CNTN4: variants seen among roughly 807,000 people sequenced by gnomAD.
The protein encoded by CNTN4 is contactin-4.
Under a neutral mutation model 122.5 loss-of-function variants are expected in CNTN4, and 77 were observed. The observed-to-expected ratio is 0.63, with a 90% CI of 0.52 to 0.76. The LOEUF (loss-of-function observed/expected upper bound fraction) is 0.76, where lower values mean the gene tolerates loss of function less well. Among genes scored for constraint, CNTN4 ranks in the 30% least tolerant of loss-of-function variants. CNTN4 has a pLI of 0.00. For synonymous variants in CNTN4, 512 were observed against 447.0 expected, an observed-to-expected ratio of 1.15 and a Z score of -1.83; for missense variants, 1,256 against 1,259.1, an observed-to-expected ratio of 1.00 and a Z score of 0.04.
At chr3:2,556,370 G>A (rs58140357) in intron 3 of CNTN4, among the ~76,000 whole-genome samples, 15,482 of 152,166 alleles carry the variant, frequency 0.1, 860 homozygotes, top group African/African-American at 0.12. Flanking sequence ...GTGAACCTCT[G>A]TGGTTTACTT....
intron 3 of CNTN4, among the ~76,000 whole-genome samples, chr3:2,466,696 A>C (rs1402892372): frequency 6.6e-6 from 1 of 152,160 alleles, no homozygotes; most frequent in African/African-American, 2.4e-5. Context: ...TATTGTTTTC[A>C]TGATGAAGCT....
intron 3 of CNTN4, among the ~76,000 whole-genome samples, chr3:2,516,635 T>A (rs980776308): frequency 2.0e-5 from 3 of 152,230 alleles, no homozygotes; most frequent in South Asian, 4.1e-4. Context: ...TATTCCAAAG[T>A]AAGAAGGGAA....
chr3:2,408,601 G>T (rs1049393223), intron 3 of CNTN4, among the ~76,000 whole-genome samples: 1 of 152,116 alleles, frequency 6.6e-6, no homozygotes, highest in African/African-American at 2.4e-5. Context: ...AAATTGTGAA[G>T]ACAGAAGTTC....
intron 4 of CNTN4, among the ~76,000 whole-genome samples, chr3:2,671,369 C>T (rs1576408906): frequency 6.6e-6 from 1 of 152,190 alleles, no homozygotes; most frequent in East Asian, 1.9e-4. Context: ...CCCTTTCTTC[C>T]AGTTGATCGA....
At chr3:2,491,905 T>A (rs2076328665) in intron 3 of CNTN4, among the ~76,000 whole-genome samples, 1 of 152,244 alleles carries the variant, frequency 6.6e-6, no homozygotes, top group South Asian at 2.1e-4. Context: ...TGAGTCATTT[T>A]GTAAGTTTTT....
chr3:2,249,319 C>A (rs1318079121), intron 2 of CNTN4, among the ~76,000 whole-genome samples: 1 of 151,742 alleles, frequency 6.6e-6, no homozygotes, highest in Non-Finnish European at 1.5e-5. Context: ...AGTATCACAT[C>A]CAAAGGACAC....
intron 13 of CNTN4, among the ~76,000 whole-genome samples, chr3:2,952,570 T>C (rs1273987717): frequency 6.6e-6 from 1 of 152,224 alleles, no homozygotes; most frequent in Non-Finnish European, 1.5e-5. Context: ...ATTGTTTTAT[T>C]ATTTGACTCT....
intron 3 of CNTN4, among the ~76,000 whole-genome samples, chr3:2,365,862 A>C (rs1320198147): frequency 6.6e-6 from 1 of 152,250 alleles, no homozygotes; most frequent in African/African-American, 2.4e-5. Context: ...AAGTCTGTCT[A>C]TGTTGGGTTT....
intron 6 of CNTN4, among the ~76,000 whole-genome samples, chr3:2,804,155 G>A (rs546054747): frequency 3.3e-5 from 5 of 151,776 alleles, no homozygotes; most frequent in African/African-American, 7.3e-5. Flanking sequence ...CAGCAGTGGG[G>A]GTATAGTCAG....
Position 2,560,954 on chromosome 3 carries a change from C to T in CNTN4, c.-88-10462C>T, listed in dbSNP as rs1445574058. Among the ~76,000 whole-genome samples, 3 of 152,160 alleles carry T rather than the reference C, an allele frequency of 2.0e-5. No homozygotes were observed. In the South Asian group the frequency reaches 6.2e-4, roughly 32 times the overall value. On this transcript the variant is annotated intron_variant, in intron 3 of 24. Transcript: ENST00000418658. Reference sequence around the variant, plus strand: ...TATGTTTGAAATCTTATTTCTGCTTCTGATTAAGCAGACATAGACTCCCTT... The same window carrying T: ...TATGTTTGAAATCTTATTTCTGCTTTTGATTAAGCAGACATAGACTCCCTT...
chr3:2,509,564 G>T lies in CNTN4; in HGVS notation c.-88-61852G>T, dbSNP rs557575929. Among the ~76,000 whole-genome samples, 3 of 152,234 alleles carry T rather than the reference G, an allele frequency of 2.0e-5. No individual in the cohort carries two copies. In the South Asian group the frequency reaches 6.2e-4, roughly 32 times the overall value. ...TTCGAGGGCATGGATCTGTTTTGGG[G>T]ATACTTGAGTTGATAATGGGCACAG... On this transcript the variant is annotated intron_variant, in intron 3 of 24. Transcript: ENST00000418658.
chr3:2,291,959 C>T (rs2042151746), intron 2 of CNTN4, among the ~76,000 whole-genome samples: 1 of 152,162 alleles, frequency 6.6e-6, no homozygotes, highest in Admixed American at 6.5e-5. Context: ...TGGTCTCGAA[C>T]TCCTGACCTC....
intron 4 of CNTN4, among the ~76,000 whole-genome samples, chr3:2,692,379 A>T (rs1409961339): frequency 6.6e-6 from 1 of 152,118 alleles, no homozygotes; most frequent in Admixed American, 6.6e-5. Flanking sequence ...TTTTCCTGCC[A>T]GCCTACTTTC....
intron 4 of CNTN4, among the ~76,000 whole-genome samples, chr3:2,661,278 A>T (rs1277068833): frequency 6.6e-6 from 1 of 152,200 alleles, no homozygotes; most frequent in Non-Finnish European, 1.5e-5. Flanking sequence ...AGCCCCAAGG[A>T]GGAGTGCCTC....
intron 23 of CNTN4, among the ~76,000 whole-genome samples, chr3:3,053,344 A>G (rs1361061584): frequency 1.3e-5 from 2 of 152,156 alleles, no homozygotes; most frequent in Admixed American, 1.3e-4. Context: ...CTCCTTGTGC[A>G]ATCTTGAAAA....
Position 2,795,613 on chromosome 3 carries a change from C to T in CNTN4, c.359-23873C>T, listed in dbSNP as rs574180252. The stretch of plus-strand genomic sequence containing the variant: ...TCGGCTCAGTGCAAGCTCTGCCTCC[C>T]GGGTTCACGCCATTCTCCTGCCTCA... On this transcript the variant is annotated intron_variant, in intron 6 of 24. Transcript: ENST00000418658. Among the ~76,000 whole-genome samples, 8 of 151,692 alleles carry T rather than the reference C, an allele frequency of 5.3e-5. No homozygotes were observed. In the East Asian group the frequency reaches 7.8e-4, roughly 15 times the overall value.
At chr3:2,821,711 G>A (rs1325271832) in intron 7 of CNTN4, among the ~76,000 whole-genome samples, 3 of 152,174 alleles carry the variant, frequency 2.0e-5, no homozygotes. Context: ...ATTCAGTAGT[G>A]TGGAGGTTTA....
At chr3:2,702,941 A>G (rs1410099514) in intron 4 of CNTN4, among the ~76,000 whole-genome samples, 1 of 152,188 alleles carries the variant, frequency 6.6e-6, no homozygotes, top group Non-Finnish European at 1.5e-5. Flanking sequence ...GGTAAGACCC[A>G]GTTATCTTGG....
chr3:2,699,035 AG>A (rs1299739915), intron 4 of CNTN4, among the ~76,000 whole-genome samples: 2 of 146,856 alleles, frequency 1.4e-5, no homozygotes, highest in South Asian at 2.2e-4. Context: ...AAAAAAAAAA[AG>A]AACCTGGGAT....
Sources: gnomAD v4.1 joint callset for allele counts (sites outside exome capture counted in the v4.1 genomes callset) on GRCh38, gnomAD v4.1.1 for gene constraint, MANE v1.5 for transcripts, NCBI Gene and HGNC (gene_info 2026-07-23, HGNC 2026-07-21) for gene names.